The following ABHD12 variants were observed in gnomAD, a reference collection of about 807,000 sequenced individuals.
ABHD12 encodes the protein abhydrolase domain containing 12, lysophospholipase.
A neutral mutation model predicts 58.3 loss-of-function variants in ABHD12; 43 were observed. That is an observed-to-expected ratio of 0.74 (90% CI 0.58 to 0.95). ABHD12 has a LOEUF of 0.95. Among genes scored for constraint, ABHD12 ranks in the 40% least tolerant of loss-of-function variants. ABHD12 has a pLI of 0.00. For synonymous variants in ABHD12, 219 were observed against 211.2 expected, an observed-to-expected ratio of 1.04 and a Z score of -0.32; for missense variants, 539 against 537.2, an observed-to-expected ratio of 1.00 and a Z score of -0.03.
intron 10 of ABHD12, among the ~76,000 whole-genome samples, chr20:25,304,802 C>T (rs1284198331): frequency 6.6e-6 from 1 of 152,056 alleles, no homozygotes; most frequent in African/African-American, 2.4e-5. Flanking sequence ...CTCCTGACCT[C>T]GTGATCTGCC....
chr20:25,383,096 T>C (rs1292392922), intron 1 of ABHD12, among the ~76,000 whole-genome samples: 1 of 152,124 alleles, frequency 6.6e-6, no homozygotes, highest in Non-Finnish European at 1.5e-5. Flanking sequence ...CCCATCTTCC[T>C]AATCTGTAAA....
At chr20:25,318,498 G>A (rs1600789495) in intron 4 of ABHD12, among the ~76,000 whole-genome samples, 3 of 152,272 alleles carry the variant, frequency 2.0e-5, no homozygotes, top group Middle Eastern at 3.4e-3. Flanking sequence ...CCCGGGTGGT[G>A]GATCCCGCAG....
intron 1 of ABHD12, among the ~76,000 whole-genome samples, chr20:25,382,072 T>C (rs1270369291): frequency 6.6e-6 from 1 of 151,966 alleles, no homozygotes; most frequent in African/African-American, 2.4e-5. Flanking sequence ...CTCACCACAA[T>C]CCTACAGGGA....
At chr20:25,298,386 C>CGAGTAATTGTAA (rs1293165816), downstream of ABHD12, among the ~76,000 whole-genome samples, 8 of 152,312 alleles carry the variant, frequency 5.3e-5, no homozygotes, top group African/African-American at 1.9e-4. Context: ...CTGCCTCAGC[C>CGAGTAATTGTAA]TCCCGAGTAG....
At position 25,320,179 on chromosome 20, in the gene ABHD12, G is replaced by A. The variant is rs371653414; in HGVS notation, c.542+20C>T. ...AGGAGCCATGCTCCACAGCAAAGAT[G>A]ATGGGCTCCTCTCCCTCACCTGGTA... is the stretch of plus-strand genomic sequence containing the variant. On this transcript the variant is annotated intron_variant, in intron 4 of 12. Coordinates refer to ENST00000339157, the MANE Select transcript of ABHD12 (RefSeq NM_001042472.3). 2 of 1,613,474 alleles carry A rather than the reference G, an allele frequency of 1.2e-6. No individual in the cohort carries two copies. The highest frequency in any genetic ancestry group is 1.1e-5 in the South Asian group (1 of 91,024).
intron 6 of ABHD12, among the ~76,000 whole-genome samples, chr20:25,312,306 G>A (rs1199655857): frequency 6.6e-6 from 1 of 152,110 alleles, no homozygotes; most frequent in South Asian, 2.1e-4. Context: ...AGCCTGCCGA[G>A]TGCCTGTGAT....
rs199757666 is a variant in ABHD12 at position 25,322,381 on chromosome 20, AT to A, written c.422+943del. On this transcript the variant is annotated intron_variant, in intron 3 of 12. Coordinates refer to ENST00000339157, the MANE Select transcript of ABHD12 (RefSeq NM_001042472.3). ...GGAAAAGATATATATATATATATAT[AT>A]TTTTTTTTTTTTTTGAGACAAGAGT... Among the ~76,000 whole-genome samples the A allele has an allele frequency of 5.6e-3, 329 of 59,266 alleles. 20 individuals carry two copies. The highest frequency in any genetic ancestry group is 0.018 in the Admixed American group (88 of 4,786). The allele number at this position is 59,266 out of a possible 152,430, so 38.9% of individuals were successfully genotyped here.
At chr20:25,314,678 T>TAA (rs767083258) in intron 6 of ABHD12, among the ~76,000 whole-genome samples, 47 of 134,348 alleles carry the variant, frequency 3.5e-4, no homozygotes, top group African/African-American at 9.9e-4. Flanking sequence ...GATCCTATCT[T>TAA]AAAAAAAAAA....
At chr20:25,384,157 A>T (rs6037102) in intron 1 of ABHD12, among the ~76,000 whole-genome samples, 1 of 6,192 alleles carries the variant, frequency 1.6e-4, no homozygotes, top group Non-Finnish European at 2.6e-4. Flanking sequence ...AAAAAAAAAG[A>T]AAAAAAAAAA....
intron 1 of ABHD12, among the ~76,000 whole-genome samples, chr20:25,371,907 A>G (rs777548489): frequency 3.3e-5 from 5 of 152,212 alleles, no homozygotes; most frequent in Non-Finnish European, 7.3e-5. Context: ...CTTTTTTACT[A>G]TAGGCATTCA....
downstream of ABHD12, chr20:25,296,540 G>A (rs199901904): frequency 1.1e-5 from 17 of 1,596,752 alleles, no homozygotes; most frequent in African/African-American, 2.7e-5. Flanking sequence ...CTGCCTTGGC[G>A]GGACCAGCGG....
intron 10 of ABHD12, among the ~76,000 whole-genome samples, chr20:25,305,565 G>A (rs1386595721): frequency 6.6e-6 from 1 of 151,608 alleles, no homozygotes; most frequent in East Asian, 2.0e-4. Context: ...GTTTCACTGT[G>A]TTAGCCAGGA....
At chr20:25,372,692 T>C (rs1294999733) in intron 1 of ABHD12, among the ~76,000 whole-genome samples, 1 of 152,234 alleles carries the variant, frequency 6.6e-6, no homozygotes, top group Non-Finnish European at 1.5e-5. Flanking sequence ...ACTTATACAA[T>C]GGTTGTCCCA....
intron 1 of ABHD12, among the ~76,000 whole-genome samples, chr20:25,365,422 A>C (rs1217678114): frequency 6.6e-6 from 1 of 152,104 alleles, no homozygotes; most frequent in East Asian, 1.9e-4. Context: ...AAATTTCTCC[A>C]CATCAATGCT....
Position 25,314,908 on chromosome 20 carries a change from T to G in ABHD12, c.619+17A>C. 1.2e-6 allele frequency: 2 copies of G among 1,614,066 alleles called. No homozygotes were observed. Among genetic ancestry groups the G allele is most frequent in the Non-Finnish European group, 1.7e-6 (2 of 1,179,936 alleles). On this transcript the variant is annotated intron_variant, in intron 6 of 12. Transcript: ENST00000339157. ...CAGTGGAATTGTGCTCAGATGCTCT[T>G]GCAAAAGAAATCTCACCTCTGTAGT... is the stretch of plus-strand genomic sequence containing the variant.
rs2088612004 is a variant in ABHD12 at position 25,300,321 on chromosome 20, G to A, written c.*524C>T. 1.9e-6 allele frequency: 2 copies of A among 1,033,824 alleles called. No homozygotes were observed. The highest frequency in any genetic ancestry group is 1.2e-6 in the Non-Finnish European group (1 of 858,708). 64.0% of individuals were successfully genotyped at this position (1,033,824 alleles called of 1,614,324 possible). A position where few individuals can be genotyped will look rare whatever the true frequency, so the allele number is the denominator to read the frequency against. ...GCAGATCCCGGGCACTTCCACTGTG[G>A]GTGAGTGGGCCAGCCCAGGGGAGGT... is the stretch of plus-strand genomic sequence containing the variant. On this transcript the variant is annotated 3_prime_UTR_variant, in exon 13 of 13. Coordinates refer to ENST00000339157, the MANE Select transcript of ABHD12 (RefSeq NM_001042472.3).
chr20:25,296,118 G>A (rs529089079), downstream of ABHD12, among the ~76,000 whole-genome samples: 1 of 152,246 alleles, frequency 6.6e-6, no homozygotes, highest in African/African-American at 2.4e-5. Flanking sequence ...TGGGGGCCAT[G>A]CCCTAGCAGG....
chr20:25,389,847 C>G (rs888299212), intron 1 of ABHD12: 4 of 152,282 alleles, frequency 2.6e-5, no homozygotes, highest in African/African-American at 9.6e-5. Context: ...CCCTCCTTCC[C>G]CTAGCACCCC....
At chr20:25,378,697 C>CTTTTT (rs10617181) in intron 1 of ABHD12, among the ~76,000 whole-genome samples, 1 of 139,656 alleles carries the variant, frequency 7.2e-6, no homozygotes, top group Non-Finnish European at 1.5e-5. Context: ...ATAATTTGAA[C>CTTTTT]TTTTTTTTTT....
Sources: allele counts gnomAD v4.1 joint callset (sites outside exome capture counted in the v4.1 genomes callset), GRCh38; gene constraint gnomAD v4.1.1; transcripts MANE v1.5; gene names NCBI Gene and HGNC (gene_info 2026-07-23, HGNC 2026-07-21).